Variants in NBAS observed in about 807,000 individuals in gnomAD.
NBAS encodes the protein NAG/BC035112 fusion.
In NBAS, 219 loss-of-function variants were observed where a neutral mutation model predicts 302.5. The ratio of observed to expected loss-of-function variants is 0.72; its 90% CI spans 0.65 to 0.81. The LOEUF (loss-of-function observed/expected upper bound fraction) is 0.81, where lower values mean the gene tolerates loss of function less well. Ranked by LOEUF, NBAS falls within the 30% of genes least tolerant of loss-of-function variation. The pLI is 0.00. For synonymous variants in NBAS, 1,118 were observed against 1,021.6 expected (o/e 1.09, Z -1.80); for missense variants, 2,932 against 2,841.6 (o/e 1.03, Z -0.72).
chr2:14,803,810 C>T, the NBAS span, among the ~76,000 whole-genome samples: 17 of 151,966 alleles, frequency 1.1e-4, no homozygotes, highest in African/African-American at 2.7e-4. Flanking sequence ...CCACCATGCC[C>T]GGCTAATTTT....
chr2:15,352,022 A>G lies in NBAS; in HGVS notation c.4149T>C (p.Ala1383=), dbSNP rs753377212. 4 of 1,612,426 alleles carry G rather than the reference A, an allele frequency of 2.5e-6. No homozygotes were observed. The highest frequency in any genetic ancestry group is 3.4e-6 in the Non-Finnish European group (4 of 1,178,558). The part of the protein sequence containing the change: ...IHHEGGENIS[A]SPLTSKAVQE... ...GTACTGCTTTACTAGTTAATGGTGA[A>G]GCACTGATATTTTCCCCTCCTTCAT... is the stretch of plus-strand genomic sequence containing the variant. The change falls in exon 35 of 52, where the codon GCT becomes GCC. Residue 1383 remains alanine (A), a synonymous_variant. Coordinates refer to ENST00000281513, the MANE Select transcript of NBAS (RefSeq NM_015909.4).
the NBAS span, among the ~76,000 whole-genome samples, chr2:14,840,926 G>GT: frequency 6.6e-6 from 1 of 151,952 alleles, no homozygotes; most frequent in Non-Finnish European, 1.5e-5. Flanking sequence ...CATAACTCTG[G>GT]TATGAAGCCA....
intron 16 of NBAS, among the ~76,000 whole-genome samples, chr2:15,469,618 A>C (rs982939911): frequency 6.6e-6 from 1 of 152,174 alleles, no homozygotes; most frequent in African/African-American, 2.4e-5. Context: ...CTGGATTAAG[A>C]AAATGTGGCA....
the NBAS span, among the ~76,000 whole-genome samples, chr2:15,108,921 T>A: frequency 6.6e-6 from 1 of 152,082 alleles, no homozygotes; most frequent in Non-Finnish European, 1.5e-5. Context: ...TAAATACCAC[T>A]GCACACAGGC....
At chr2:15,016,779 T>C in the NBAS span, among the ~76,000 whole-genome samples, 1 of 152,142 alleles carries the variant, frequency 6.6e-6, no homozygotes, top group Non-Finnish European at 1.5e-5. Flanking sequence ...AATCGACTCA[T>C]AGACCAATGG....
chr2:15,004,946 C>T, the NBAS span, among the ~76,000 whole-genome samples: 3 of 151,996 alleles, frequency 2.0e-5, no homozygotes, highest in Admixed American at 6.6e-5. Flanking sequence ...GATCTGGATT[C>T]CTTAGGAAAA....
chr2:14,951,094 C>A, the NBAS span, among the ~76,000 whole-genome samples: 10 of 152,178 alleles, frequency 6.6e-5, no homozygotes, highest in Non-Finnish European at 1.0e-4. Context: ...ATCTTGATTT[C>A]AATTCTATTT....
intron 31 of NBAS, among the ~76,000 whole-genome samples, chr2:15,369,061 C>T (rs563526235): frequency 6.6e-6 from 1 of 152,190 alleles, no homozygotes; most frequent in East Asian, 1.9e-4. Context: ...TTTTATGGGG[C>T]TTTTTCCAGA....
chr2:15,016,797 T>C, the NBAS span, among the ~76,000 whole-genome samples: 1 of 152,236 alleles, frequency 6.6e-6, no homozygotes, highest in Non-Finnish European at 1.5e-5. Flanking sequence ...TGGAACAGAA[T>C]AGAGAATCCA....
intron 50 of NBAS, among the ~76,000 whole-genome samples, chr2:15,186,017 G>A (rs938195706): frequency 2.0e-5 from 3 of 151,778 alleles, no homozygotes; most frequent in Admixed American, 2.0e-4. Flanking sequence ...CCACAGCAGG[G>A]AGCTGAAATT....
the NBAS span, among the ~76,000 whole-genome samples, chr2:14,840,845 C>T: frequency 6.6e-6 from 1 of 151,924 alleles, no homozygotes; most frequent in Admixed American, 6.6e-5. Flanking sequence ...GTATAAAACC[C>T]ACTGGTACAA....
chr2:15,111,236 T>C, the NBAS span, among the ~76,000 whole-genome samples: 3 of 151,938 alleles, frequency 2.0e-5, no homozygotes, highest in Non-Finnish European at 4.4e-5. Context: ...GTGAGATAGG[T>C]GTGTCTTTTA....
chr2:14,977,275 A>C, the NBAS span, among the ~76,000 whole-genome samples: 3 of 152,180 alleles, frequency 2.0e-5, no homozygotes, highest in Non-Finnish European at 2.9e-5. Context: ...AGACAAGACT[A>C]TGTTTAAGAA....
chr2:15,026,816 T>C, the NBAS span, among the ~76,000 whole-genome samples: 1 of 152,206 alleles, frequency 6.6e-6, no homozygotes, highest in African/African-American at 2.4e-5. Flanking sequence ...ATGTATGATG[T>C]AGAATAAAAT....
intron 44 of NBAS, among the ~76,000 whole-genome samples, chr2:15,267,364 G>T (rs765409000): frequency 5.9e-4 from 90 of 152,256 alleles, no homozygotes; most frequent in Non-Finnish European, 1.1e-3. Context: ...ACCAAAGCCA[G>T]AGATCAATGG....
At chr2:15,361,696 T>C (rs964684919) in intron 32 of NBAS, among the ~76,000 whole-genome samples, 10 of 151,992 alleles carry the variant, frequency 6.6e-5, no homozygotes, top group African/African-American at 2.4e-4. Context: ...TTCCAGGAAA[T>C]GGCTGGGCAC....
At chr2:15,302,617 C>T (rs1357520041) in intron 40 of NBAS, among the ~76,000 whole-genome samples, 1 of 152,110 alleles carries the variant, frequency 6.6e-6, no homozygotes, top group Admixed American at 6.5e-5. Flanking sequence ...GGCAGGAGAG[C>T]TCCAAGGAAC....
intron 44 of NBAS, among the ~76,000 whole-genome samples, chr2:15,267,223 C>T (rs1274709507): frequency 1.3e-5 from 2 of 152,200 alleles, no homozygotes; most frequent in African/African-American, 4.8e-5. Context: ...AAACTATGAG[C>T]TTCGCAAAGG....
chr2:15,347,695 T>C (rs1055505157), intron 35 of NBAS, among the ~76,000 whole-genome samples: 1 of 152,190 alleles, frequency 6.6e-6, no homozygotes, highest in Non-Finnish European at 1.5e-5. Context: ...ACACCATTGG[T>C]TAAGTGATAT....
Sources: gnomAD v4.1 joint callset for allele counts (sites outside exome capture counted in the v4.1 genomes callset) on GRCh38, gnomAD v4.1.1 for gene constraint, MANE v1.5 for transcripts, NCBI Gene and HGNC (gene_info 2026-07-23, HGNC 2026-07-21) for gene names.